FBXO16: variants seen among roughly 807,000 people sequenced by gnomAD.
FBXO16 encodes the protein F-box only protein 16.
FBXO16 carries 31 observed loss-of-function variants against 41.0 expected under a neutral mutation model. The ratio of observed to expected loss-of-function variants is 0.76; its 90% CI spans 0.57 to 1.02. FBXO16 has a LOEUF of 1.02. FBXO16 is among the 50% of genes least tolerant of loss of function. The pLI, the probability that FBXO16 is intolerant of heterozygous loss-of-function variation, is 0.00. For missense variants in FBXO16, 361 were observed against 346.2 expected (o/e 1.04, Z -0.34); for synonymous variants, 133 against 117.8 (o/e 1.13, Z -0.84).
rs1803283753 is a variant in FBXO16 at position 28,468,681 on chromosome 8, AAAAAT to A, written c.136-4868_136-4864del. On this transcript the variant is annotated intron_variant, in intron 3 of 8. Transcript: ENST00000380254. ...TTGCGAGATCCTGTTTCTTAAAATA[AAAAAT>A]AAAATAAAATAAAAAGATGGGCATG... Among the ~76,000 whole-genome samples the A allele has an allele frequency of 2.0e-5, 3 of 152,116 alleles. No homozygotes were observed. In the South Asian group the frequency reaches 6.2e-4, roughly 32 times the overall value.
intron 4 of FBXO16, among the ~76,000 whole-genome samples, chr8:28,461,101 T>TA (rs1491466754): frequency 1.4e-5 from 2 of 145,412 alleles, no homozygotes; most frequent in East Asian, 4.2e-4. Flanking sequence ...TTTTTTTTTT[T>TA]ACCAATGACG....
chr8:28,452,058 C>T (rs1288555126), intron 6 of FBXO16, among the ~76,000 whole-genome samples, 186 bp downstream of exon 6: 1 of 149,762 alleles, frequency 6.7e-6, no homozygotes, highest in Non-Finnish European at 1.5e-5. Context: ...AAAATGCAAA[C>T]AAACTGTAAC....
intron 7 of FBXO16, among the ~76,000 whole-genome samples, chr8:28,433,001 C>T (rs1802631369): frequency 6.6e-6 from 1 of 151,148 alleles, no homozygotes; most frequent in Non-Finnish European, 1.5e-5. Context: ...GCGGAGGTTG[C>T]AGTGAGCCGA....
intron 2 of FBXO16, among the ~76,000 whole-genome samples, chr8:28,478,277 G>A (rs1256733545): frequency 6.6e-6 from 1 of 152,094 alleles, no homozygotes; most frequent in African/African-American, 2.4e-5. Flanking sequence ...GTACTGTGAT[G>A]TACTCGTTCC....
At chr8:28,451,893 A>G (rs928436716) in intron 6 of FBXO16, among the ~76,000 whole-genome samples, 5 of 151,588 alleles carry the variant, frequency 3.3e-5, no homozygotes, top group Non-Finnish European at 5.9e-5. Context: ...CTGAAGCAGG[A>G]GAATCGCTTG....
intron 7 of FBXO16, among the ~76,000 whole-genome samples, chr8:28,437,925 C>G (rs148904255): frequency 6.6e-6 from 1 of 152,026 alleles, no homozygotes; most frequent in Non-Finnish European, 1.5e-5. Context: ...GGAGTCCACA[C>G]GTAGGCACAA....
At chr8:28,488,127 A>T (rs1056195823) in intron 1 of FBXO16, among the ~76,000 whole-genome samples, 14 of 152,104 alleles carry the variant, frequency 9.2e-5, no homozygotes, top group African/African-American at 3.4e-4. Flanking sequence ...CTGGGATTAC[A>T]GGCATGAGCC....
chr8:28,474,711 T>C (rs1249190983), intron 2 of FBXO16, among the ~76,000 whole-genome samples: 3 of 152,228 alleles, frequency 2.0e-5, no homozygotes, highest in Non-Finnish European at 1.5e-5. Flanking sequence ...CTTGTTGGTA[T>C]AGGTTTATTA....
intron 7 of FBXO16, 81 bp from the exon 8 acceptor site, chr8:28,429,484 G>A: frequency 6.5e-7 from 1 of 1,531,588 alleles, no homozygotes; most frequent in Non-Finnish European, 9.0e-7. Context: ...GGGAGAGAGA[G>A]TGAGGCACTC....
intron 4 of FBXO16, 132 bp downstream of exon 4, chr8:28,463,480 G>T: frequency 1.2e-6 from 1 of 819,072 alleles, no homozygotes; most frequent in Non-Finnish European, 1.9e-6. Context: ...GTGTACATTT[G>T]TGTGTGTTTG....
chr8:28,444,566 G>A (rs552872291), intron 7 of FBXO16, among the ~76,000 whole-genome samples: 253 of 146,262 alleles, frequency 1.7e-3, no homozygotes, highest in African/African-American at 5.5e-3. Context: ...TGCAGCCTCC[G>A]CCCTGGGTTC....
At chr8:28,487,195 G>A (rs79841876) in intron 1 of FBXO16, among the ~76,000 whole-genome samples, 3,545 of 152,090 alleles carry the variant, frequency 0.023, 74 homozygotes, top group Non-Finnish European at 0.033. Flanking sequence ...CAGCAGATGG[G>A]CCTGGCCCCA....
intron 4 of FBXO16, among the ~76,000 whole-genome samples, chr8:28,463,134 T>G (rs1803164040): frequency 6.6e-6 from 1 of 151,938 alleles, no homozygotes; most frequent in Non-Finnish European, 1.5e-5. Flanking sequence ...TTTCTTAGTT[T>G]TGTGTGTGTG....
chr8:28,469,002 A>G (rs578247307), intron 3 of FBXO16, among the ~76,000 whole-genome samples: 1 of 152,040 alleles, frequency 6.6e-6, no homozygotes, highest in Non-Finnish European at 1.5e-5. Flanking sequence ...CTTTTTTTCT[A>G]ATTAAAAAAA....
chr8:28,438,557 T>C (rs1802718289), intron 7 of FBXO16, among the ~76,000 whole-genome samples: 1 of 152,166 alleles, frequency 6.6e-6, no homozygotes, highest in Non-Finnish European at 1.5e-5. Context: ...GGGTGATGGC[T>C]TAGTATGATT....
chr8:28,451,987 TACGTCTCAAAA>T (rs1381236897), intron 6 of FBXO16, among the ~76,000 whole-genome samples: 1 of 123,154 alleles, frequency 8.1e-6, no homozygotes, highest in African/African-American at 3.3e-5. Flanking sequence ...GACTCCAGAC[TACGTCTCAAAA>T]AAAAAAAAAA....
At chr8:28,462,330 G>A (rs1441660884) in intron 4 of FBXO16, among the ~76,000 whole-genome samples, 2 of 148,714 alleles carry the variant, frequency 1.3e-5, no homozygotes, top group African/African-American at 5.0e-5. Context: ...TCAGGCTGGA[G>A]TGCAGTGGCG....
chr8:28,476,126 T>C (rs1803419688), intron 2 of FBXO16, among the ~76,000 whole-genome samples: 1 of 152,092 alleles, frequency 6.6e-6, no homozygotes, highest in South Asian at 2.1e-4. Flanking sequence ...AAGCATGGTG[T>C]CCAATGATGG....
At chr8:28,454,502 GCGGATCACGAGGT>G (rs1803005638) in intron 5 of FBXO16, among the ~76,000 whole-genome samples, 1 of 151,618 alleles carries the variant, frequency 6.6e-6, no homozygotes, top group South Asian at 2.1e-4. Flanking sequence ...GCCGAGGCGG[GCGGATCACGAGGT>G]CAGAAGATCG....
Sources: allele counts gnomAD v4.1 joint callset (sites outside exome capture counted in the v4.1 genomes callset), GRCh38; gene constraint gnomAD v4.1.1; transcripts MANE v1.5; gene names NCBI Gene and HGNC (gene_info 2026-07-23, HGNC 2026-07-21).